Variants in GPC4 observed in about 807,000 individuals in gnomAD.
GPC4 encodes glypican-4.
GPC4 carries 10 observed loss-of-function variants against 35.0 expected under a neutral mutation model. That is an observed-to-expected ratio of 0.29 (90% CI 0.18 to 0.48). GPC4 has a LOEUF of 0.48. Among genes scored for constraint, GPC4 ranks in the 20% least tolerant of loss-of-function variants. GPC4 has a pLI of 0.99. For synonymous variants in GPC4, 167 were observed against 170.2 expected, an observed-to-expected ratio of 0.98 and a Z score of 0.15; for missense variants, 322 against 451.3, an observed-to-expected ratio of 0.71 and a Z score of 2.60.
chrX:133,402,720 A>C (rs2068771269), intron 1 of GPC4, among the ~76,000 whole-genome samples: 1 of 110,745 alleles, frequency 9.0e-6, no homozygotes. Context: ...CCTGGCTAAC[A>C]CGGTGAAACC....
intron 1 of GPC4, among the ~76,000 whole-genome samples, chrX:133,374,038 T>C (rs768295249): frequency 2.0e-4 from 22 of 111,270 alleles, no homozygotes; most frequent in African/African-American, 6.9e-4. Context: ...ACTGAGGTAA[T>C]GGTTGCACAA....
chrX:133,363,693 A>G (rs927348188), intron 1 of GPC4, among the ~76,000 whole-genome samples: 9 of 111,301 alleles, frequency 8.1e-5, no homozygotes, highest in Middle Eastern at 4.6e-3. Context: ...CACATATTGT[A>G]CAATACACTC....
At chrX:133,360,869 T>C (rs1164480164) in intron 1 of GPC4, among the ~76,000 whole-genome samples, 1 of 112,216 alleles carries the variant, frequency 8.9e-6, no homozygotes, top group African/African-American at 3.2e-5. Flanking sequence ...TAGAGCATCA[T>C]TTATTAAATG....
At chrX:133,396,666 A>T in intron 1 of GPC4, among the ~76,000 whole-genome samples, 1 of 111,979 alleles carries the variant, frequency 8.9e-6, no homozygotes, top group East Asian at 2.8e-4. Flanking sequence ...TCTCTCGTTA[A>T]TATGGTCGAT....
intron 1 of GPC4, among the ~76,000 whole-genome samples, chrX:133,359,194 T>G (rs182399588): frequency 3.6e-4 from 40 of 111,385 alleles, no homozygotes; most frequent in African/African-American, 1.2e-3. Context: ...CATTACATAG[T>G]TTTTGCTATA....
chrX:133,333,823 T>C (rs1033628351), intron 2 of GPC4, among the ~76,000 whole-genome samples: 1 of 112,722 alleles, frequency 8.9e-6, no homozygotes, highest in Non-Finnish European at 1.9e-5. Flanking sequence ...GCAATGATTT[T>C]TTTAATGTCT....
chrX:133,408,892 G>T (rs2068800326), intron 1 of GPC4, among the ~76,000 whole-genome samples: 1 of 110,532 alleles, frequency 9.0e-6, no homozygotes, highest in African/African-American at 3.3e-5. Context: ...GGCCTGGAAT[G>T]GTGGTTCATG....
At chrX:133,320,500 T>G (rs1685358831) in intron 3 of GPC4, among the ~76,000 whole-genome samples, 1 of 108,665 alleles carries the variant, frequency 9.2e-6, no homozygotes, top group Admixed American at 9.9e-5. Context: ...GGCGCATGCC[T>G]GTAATCCCAG....
intron 1 of GPC4, among the ~76,000 whole-genome samples, chrX:133,395,342 G>A (rs1319766136): frequency 9.0e-6 from 1 of 111,149 alleles, no homozygotes. Flanking sequence ...AAAATTTATG[G>A]CCAGGCATGG....
intron 1 of GPC4, among the ~76,000 whole-genome samples, chrX:133,409,412 C>G (rs1267566856): frequency 9.8e-6 from 1 of 102,531 alleles, no homozygotes; most frequent in African/African-American, 3.5e-5. Flanking sequence ...GACAATCTAT[C>G]ATCAAGGCAG....
chrX:133,339,540 G>T (rs771573636), intron 1 of GPC4, among the ~76,000 whole-genome samples, 199 bp from the exon 2 acceptor site: 1 of 112,024 alleles, frequency 8.9e-6, no homozygotes, highest in Non-Finnish European at 1.9e-5. Context: ...TCTCCAAAAA[G>T]CAAAAGAACT....
At chrX:133,378,468 C>T (rs1055632769) in intron 1 of GPC4, among the ~76,000 whole-genome samples, 1 of 106,172 alleles carries the variant, frequency 9.4e-6, no homozygotes, top group Non-Finnish European at 1.9e-5. Flanking sequence ...CTACTCTACT[C>T]GGGAGGCTGA....
chrX:133,394,029 G>A (rs2068731381), intron 1 of GPC4, among the ~76,000 whole-genome samples: 1 of 111,258 alleles, frequency 9.0e-6, no homozygotes, highest in Non-Finnish European at 1.9e-5. Context: ...CCAGCACTTA[G>A]GGAGGCCAAG....
At chrX:133,328,599 G>T (rs1213957141) in intron 2 of GPC4, among the ~76,000 whole-genome samples, 1 of 110,853 alleles carries the variant, frequency 9.0e-6, no homozygotes, top group African/African-American at 3.3e-5. Flanking sequence ...TTCAGTAATC[G>T]CTGCAATGTT....
intron 1 of GPC4, among the ~76,000 whole-genome samples, chrX:133,365,883 G>A (rs544451354): frequency 8.9e-6 from 1 of 112,004 alleles, no homozygotes; most frequent in Admixed American, 9.5e-5. Context: ...ACTTTTCTTT[G>A]CAAAAAGATG....
At chrX:133,413,367 A>T (rs1323560568) in intron 1 of GPC4, among the ~76,000 whole-genome samples, 1 of 112,095 alleles carries the variant, frequency 8.9e-6, no homozygotes, top group Non-Finnish European at 1.9e-5. Flanking sequence ...GACGCCAGTT[A>T]CACTCCAAAA....
intron 1 of GPC4, among the ~76,000 whole-genome samples, chrX:133,389,252 C>T (rs754108077): frequency 9.0e-6 from 1 of 111,606 alleles, no homozygotes; most frequent in African/African-American, 3.3e-5. Flanking sequence ...AACCACCACA[C>T]CCAGCTGCCA....
Position 133,339,271 on chromosome X carries a change from C to A in GPC4, c.231G>T (p.Leu77=). The part of the protein sequence containing the change: ...CSQEMEEKYS[L]QSKDDFKSVV... ...CACTTTTGAAATCATCTTTACTTTG[C>A]AGGCTGTACTTCTCCTCCATCTCTT... The change falls in exon 2 of 9, where the codon CTG becomes CTT. Residue 77 remains leucine, a synonymous_variant. Coordinates refer to ENST00000370828, the MANE Select transcript of GPC4 (RefSeq NM_001448.3). 1 of 1,210,890 alleles carries A rather than the reference C, an allele frequency of 8.3e-7. No homozygotes were observed. Among genetic ancestry groups the A allele is most frequent in the East Asian group, 3.0e-5 (1 of 33,829 alleles).
At position 133,330,816 on chromosome X, in the gene GPC4, G is replaced by A. The variant is rs1039842850; in HGVS notation, c.320-6280C>T. ...AACTTAGCCAGGCATGGTGCTGCAT[G>A]CCTGTAGTCCTAGCTACTAGGGAGG... On this transcript the variant is annotated intron_variant, in intron 2 of 8. Coordinates refer to ENST00000370828, the MANE Select transcript of GPC4 (RefSeq NM_001448.3). Among the ~76,000 whole-genome samples the A allele has an allele frequency of 4.5e-5, 5 of 110,894 alleles. No individual in the cohort carries two copies. The Admixed American group carries it at 4.8e-4, about 11-fold the overall frequency.
Sources: allele counts gnomAD v4.1 joint callset (sites outside exome capture counted in the v4.1 genomes callset), GRCh38; gene constraint gnomAD v4.1.1; transcripts MANE v1.5; gene names NCBI Gene and HGNC (gene_info 2026-07-23, HGNC 2026-07-21).